Variants in FANCD2 observed in about 807,000 individuals in gnomAD.
FANCD2 encodes the protein FA complementation group D2.
FANCD2 carries 131 observed loss-of-function variants against 192.3 expected under a neutral mutation model. The observed-to-expected ratio is 0.68, with a 90% CI of 0.59 to 0.79. The LOEUF (loss-of-function observed/expected upper bound fraction) is 0.79, where lower values mean the gene tolerates loss of function less well. Ranked by LOEUF, FANCD2 falls within the 30% of genes least tolerant of loss-of-function variation. FANCD2 has a pLI of 0.00. For synonymous variants in FANCD2, 524 were observed against 612.5 expected, an observed-to-expected ratio of 0.86 and a Z score of 2.13; for missense variants, 1,508 against 1,701.6, an observed-to-expected ratio of 0.89 and a Z score of 2.00.
At chr3:10,041,143 G>A (rs75794111) in intron 9 of FANCD2, 4,423 of 186,606 alleles carry the variant, frequency 0.024, 229 homozygotes, top group African/African-American at 0.1. Flanking sequence ...ACAGTGAGCT[G>A]TGATGACACC....
chr3:10,095,002 C>T (rs1210044032), intron 40 of FANCD2, 198 bp from the exon 41 acceptor site: 9 of 609,418 alleles, frequency 1.5e-5, no homozygotes, highest in Non-Finnish European at 1.5e-5. Context: ...CAGATTGATA[C>T]AAGGGACAGA....
At chr3:10,068,141 C>A (rs59403769) in intron 26 of FANCD2, among the ~76,000 whole-genome samples, 20,201 of 151,784 alleles carry the variant, frequency 0.13, 2,212 homozygotes, top group African/African-American at 0.31. Context: ...CTAGCTAGAA[C>A]AATTAGACAA....
chr3:10,068,558 T>C (rs1214578086), intron 26 of FANCD2, among the ~76,000 whole-genome samples: 1 of 151,924 alleles, frequency 6.6e-6, no homozygotes, highest in Non-Finnish European at 1.5e-5. Flanking sequence ...TGTTAAAATT[T>C]CCATGCTACC....
intron 2 of FANCD2, among the ~76,000 whole-genome samples, chr3:10,030,729 A>G (rs1445999789): frequency 6.6e-6 from 1 of 151,870 alleles, no homozygotes; most frequent in Non-Finnish European, 1.5e-5. Context: ...GTGAAACCCC[A>G]TCTCTACTAA....
chr3:10,100,272 A>C (rs932939406), intron 43 of FANCD2, among the ~76,000 whole-genome samples: 1 of 152,196 alleles, frequency 6.6e-6, no homozygotes, highest in Non-Finnish European at 1.5e-5. Flanking sequence ...GGCAGACAAT[A>C]TCCTATTAGT....
At chr3:10,036,485 T>A (rs1217363452) in intron 7 of FANCD2, 146 bp downstream of exon 7, 5 of 639,394 alleles carry the variant, frequency 7.8e-6, no homozygotes, top group Non-Finnish European at 1.4e-5. Flanking sequence ...TACTGGAGTG[T>A]CTTTGAAGTT....
chr3:10,056,967 A>T (rs2087430449), intron 18 of FANCD2, among the ~76,000 whole-genome samples: 1 of 151,954 alleles, frequency 6.6e-6, no homozygotes, highest in South Asian at 2.1e-4. Context: ...CGATCCTCCC[A>T]TGTCAGCCTC....
At chr3:10,074,779 C>G (rs1693445672) in intron 29 of FANCD2, 106 bp downstream of exon 29, 1 of 1,085,176 alleles carries the variant, frequency 9.2e-7, no homozygotes, top group Admixed American at 1.9e-5. Context: ...AGAAGTTAGA[C>G]TGACTTTTAA....
intron 26 of FANCD2, among the ~76,000 whole-genome samples, chr3:10,068,871 G>T (rs1575800218): frequency 6.6e-6 from 1 of 152,282 alleles, no homozygotes; most frequent in Middle Eastern, 3.4e-3. Context: ...CTCAGCAAAG[G>T]TGCCAAGAAT....
chr3:10,028,101 T>C (rs925055018), intron 1 of FANCD2, among the ~76,000 whole-genome samples: 1 of 151,750 alleles, frequency 6.6e-6, no homozygotes, highest in African/African-American at 2.4e-5. Context: ...AAATGGTCCT[T>C]GCTTCTCTTT....
chr3:10,074,978 G>T (rs187668789), intron 29 of FANCD2, among the ~76,000 whole-genome samples: 1 of 152,162 alleles, frequency 6.6e-6, no homozygotes, highest in East Asian at 1.9e-4. Flanking sequence ...CACTCTTCTG[G>T]TTCTTAGAAG....
Position 10,094,303 on chromosome 3 carries a change from T to A in FANCD2, c.3903T>A (p.Phe1301Leu). 1 of 1,614,012 alleles carries A rather than the reference T, an allele frequency of 6.2e-7. No homozygotes were observed. The highest frequency in any genetic ancestry group is 8.5e-7 in the Non-Finnish European group (1 of 1,179,906). ...LHVCLKYGRL[F>L]VEAFLKQCMP... ...CTCTTCTTCAGTATGGGCGTCTCTTTGTGGAAGCATTTCTGAAGCAATGTA... is the reference window on the plus strand; with the variant it reads ...CTCTTCTTCAGTATGGGCGTCTCTTAGTGGAAGCATTTCTGAAGCAATGTA... Residue 1301 changes from phenylalanine to leucine, a missense_variant, in exon 40 of 44, where the codon TTT (phenylalanine) becomes TTA (leucine). By Grantham distance (22) the Phe-to-Leu change is conservative (BLOSUM62 0). This residue lies in a region of FANCD2 where 796 missense variants were observed against 879.4 expected (regional missense o/e 0.91). Transcript: ENST00000675286.
intron 18 of FANCD2, among the ~76,000 whole-genome samples, chr3:10,059,809 GAAA>G (rs72492715): frequency 1.5e-5 from 2 of 129,838 alleles, no homozygotes; most frequent in Non-Finnish European, 3.4e-5. Context: ...CCTTCTCAAA[GAAA>G]AAAAAAAAAA....
chr3:10,033,229 C>T lies in FANCD2; in HGVS notation c.205+257C>T, dbSNP rs9855143. On this transcript the variant is annotated intron_variant, in intron 3 of 43. Coordinates refer to ENST00000675286, the MANE Select transcript of FANCD2 (RefSeq NM_001018115.3). The stretch of plus-strand genomic sequence containing the variant: ...GAATTTGCGACCGGCCTGGGCAACA[C>T]GTCTCTACTAAAATATAAAAAATTA... Among the ~76,000 whole-genome samples the T allele has an allele frequency of 0.027, 4,101 of 152,170 alleles. 199 individuals carry two copies. The highest frequency in any genetic ancestry group is 0.094 in the African/African-American group (3,884 of 41,514).
chr3:10,073,011 G>T, intron 27 of FANCD2, 30 bp downstream of exon 27: 1 of 1,296,734 alleles, frequency 7.7e-7, no homozygotes, highest in Non-Finnish European at 1.1e-6. Flanking sequence ...CTTGTCTTGT[G>T]TCTCTAAATA....
chr3:10,039,422 A>AT (rs55990405), intron 8 of FANCD2, 65 bp downstream of exon 8: 2,237 of 1,338,842 alleles, frequency 1.7e-3, no homozygotes, highest in Non-Finnish European at 2.0e-3. Context: ...TGGAGGTTGT[A>AT]TTTTTTTTTC....
chr3:10,042,113 G>A (rs148698184), intron 10 of FANCD2, among the ~76,000 whole-genome samples: 337 of 152,100 alleles, frequency 2.2e-3, no homozygotes, highest in African/African-American at 7.8e-3. Context: ...GTCCAGGCTG[G>A]TCTTGAACTC....
intron 41 of FANCD2, 95 bp downstream of exon 41, chr3:10,095,369 A>G (rs1293819753): frequency 3.0e-6 from 3 of 1,007,102 alleles, no homozygotes; most frequent in Non-Finnish European, 4.6e-6. Flanking sequence ...TTCTTCCTTT[A>G]TATCTGGGAC....
At chr3:10,032,631 A>G (rs534708307) in intron 2 of FANCD2, among the ~76,000 whole-genome samples, 3 of 148,436 alleles carry the variant, frequency 2.0e-5, no homozygotes, top group East Asian at 3.9e-4. Flanking sequence ...TGAATTCTTC[A>G]AATGAAAATA....
Sources: gnomAD v4.1 joint callset for allele counts (sites outside exome capture counted in the v4.1 genomes callset) on GRCh38, gnomAD v4.1.1 for gene constraint, gnomAD v4.1.1 regional missense constraint, MANE v1.5 for transcripts, NCBI Gene and HGNC (gene_info 2026-07-23, HGNC 2026-07-21) for gene names.